FBRSL1: variants seen among roughly 807,000 people sequenced by gnomAD.
FBRSL1 encodes fibrosin like 1, also known as fibrosin-1-like protein.
In FBRSL1, 51 loss-of-function variants were observed where a neutral mutation model predicts 89.6. The observed-to-expected ratio is 0.57, with a 90% CI of 0.45 to 0.72. The LOEUF (loss-of-function observed/expected upper bound fraction) is 0.72. FBRSL1 is among the 30% of genes least tolerant of loss of function. The pLI, the probability that FBRSL1 is intolerant of heterozygous loss-of-function variation, is 0.00. For synonymous variants in FBRSL1, 779 were observed against 681.1 expected (o/e 1.14, Z -2.24); for missense variants, 1,618 against 1,451.8 (o/e 1.11, Z -1.86).
At chr12:132,580,087 T>C (rs1387139978) in intron 15 of FBRSL1, among the ~76,000 whole-genome samples, 1 of 150,008 alleles carries the variant, frequency 6.7e-6, no homozygotes, top group Non-Finnish European at 1.5e-5. Context: ...ACCAGTATTT[T>C]ATTTTAATTT....
chr12:132,548,731 C>T (rs1319121016), intron 5 of FBRSL1, among the ~76,000 whole-genome samples: 4 of 152,202 alleles, frequency 2.6e-5, no homozygotes, highest in Admixed American at 6.5e-5. Flanking sequence ...GGCCCGTAAC[C>T]ACTGCACCTC....
chr12:132,506,058 T>G (rs1222311901), intron 1 of FBRSL1, among the ~76,000 whole-genome samples: 1 of 152,210 alleles, frequency 6.6e-6, no homozygotes, highest in Non-Finnish European at 1.5e-5. Context: ...ACCCACCCCA[T>G]GCTGTCTGTT....
chr12:132,572,763 T>C, intron 11 of FBRSL1, 141 bp downstream of exon 11: 1 of 671,438 alleles, frequency 1.5e-6, no homozygotes, highest in South Asian at 1.8e-5. Flanking sequence ...GGTGCTGGCG[T>C]GAGCAGCCCC....
At chr12:132,505,477 C>T (rs766419552) in intron 1 of FBRSL1, among the ~76,000 whole-genome samples, 1 of 152,218 alleles carries the variant, frequency 6.6e-6, no homozygotes, top group Non-Finnish European at 1.5e-5. Flanking sequence ...CCACCCCCAC[C>T]CGTGGTCTGC....
chr12:132,579,704 G>A (rs2040617018), intron 15 of FBRSL1, among the ~76,000 whole-genome samples: 1 of 152,166 alleles, frequency 6.6e-6, no homozygotes, highest in Non-Finnish European at 1.5e-5. Context: ...TTACTTTCCT[G>A]TGCTGCACCT....
chr12:132,515,681 CTT>C, intron 2 of FBRSL1, among the ~76,000 whole-genome samples: 1 of 152,084 alleles, frequency 6.6e-6, no homozygotes, highest in Non-Finnish European at 1.5e-5. Context: ...GGGTGGATCA[CTT>C]GAGGTCAGGA....
At chr12:132,567,709 C>T (rs901691178) in intron 6 of FBRSL1, among the ~76,000 whole-genome samples, 183 bp downstream of exon 6, 3 of 152,100 alleles carry the variant, frequency 2.0e-5, no homozygotes, top group Non-Finnish European at 4.4e-5. Context: ...GGAGAGTAGA[C>T]GAAGCCACTG....
intron 5 of FBRSL1, among the ~76,000 whole-genome samples, chr12:132,564,149 G>T (rs1015017014): frequency 1.3e-5 from 2 of 152,206 alleles, no homozygotes; most frequent in African/African-American, 4.8e-5. Context: ...CGCGCTCACT[G>T]TTGATCCGTC....
intron 1 of FBRSL1, among the ~76,000 whole-genome samples, chr12:132,505,616 T>A (rs1475420438): frequency 6.6e-6 from 1 of 152,220 alleles, no homozygotes; most frequent in African/African-American, 2.4e-5. Flanking sequence ...GTGGAGTGAC[T>A]GAGCGACTGG....
intron 2 of FBRSL1, among the ~76,000 whole-genome samples, chr12:132,514,665 C>G (rs2034672637): frequency 6.6e-6 from 1 of 152,174 alleles, no homozygotes; most frequent in South Asian, 2.1e-4. Flanking sequence ...GAAGCCTCTC[C>G]TAGGGCCGGT....
intron 3 of FBRSL1, among the ~76,000 whole-genome samples, chr12:132,526,705 C>G (rs1265812021): frequency 6.6e-6 from 1 of 152,196 alleles, no homozygotes; most frequent in African/African-American, 2.4e-5. Context: ...CAAAGCCCTC[C>G]TTTTCTTCCT....
chr12:132,580,915 G>A (rs2040701446), intron 15 of FBRSL1: 9 of 985,282 alleles, frequency 9.1e-6, no homozygotes, highest in South Asian at 4.7e-5. Flanking sequence ...AAGGGTTGTT[G>A]GGGGGCCAGG....
chr12:132,550,455 C>G (rs1593449552), intron 5 of FBRSL1, among the ~76,000 whole-genome samples: 1 of 152,152 alleles, frequency 6.6e-6, no homozygotes, highest in Non-Finnish European at 1.5e-5. Context: ...TGCCTGTGGC[C>G]CCGTTTGCTT....
chr12:132,542,477 G>T (rs1247464590), intron 4 of FBRSL1, among the ~76,000 whole-genome samples: 2 of 152,194 alleles, frequency 1.3e-5, no homozygotes, highest in Non-Finnish European at 2.9e-5. Context: ...GAGGGGTCAG[G>T]GCCCCCTGCC....
intron 2 of FBRSL1, chr12:132,511,156 G>T (rs1440803856): frequency 1.0e-6 from 1 of 985,390 alleles, no homozygotes; most frequent in South Asian, 4.7e-5. Flanking sequence ...CCATCTGGTG[G>T]GTCAGGACCT....
chr12:132,508,146 C>T lies in FBRSL1; in HGVS notation c.292-7C>T, dbSNP rs771180351. ...CAATTAACTGGCGTTTCCCTGTCTC[C>T]CTGCAGAAGGATATGGCCCTGAAGC... On this transcript the variant is annotated splice_region_variant and splice_polypyrimidine_tract_variant and intron_variant, in intron 1 of 18. Transcript: ENST00000680143. The T allele has an allele frequency of 3.2e-6, 5 of 1,550,696 alleles. No homozygotes were observed. Among genetic ancestry groups the T allele is most frequent in the African/African-American group, 1.4e-5 (1 of 73,030 alleles).
At chr12:132,529,114 G>A (rs920868090) in intron 4 of FBRSL1, among the ~76,000 whole-genome samples, 4 of 152,180 alleles carry the variant, frequency 2.6e-5, no homozygotes, top group Non-Finnish European at 5.9e-5. Flanking sequence ...TGCTGGGCTC[G>A]TGGGAGGGTG....
intron 9 of FBRSL1, chr12:132,571,602 G>A (rs974576047): frequency 2.5e-5 from 25 of 996,664 alleles, no homozygotes; most frequent in Admixed American, 4.4e-5. Context: ...ACAGACACAC[G>A]CTCGCACACA....
At chr12:132,530,998 G>GT (rs889162833) in intron 4 of FBRSL1, among the ~76,000 whole-genome samples, 18 of 150,486 alleles carry the variant, frequency 1.2e-4, no homozygotes, top group Middle Eastern at 3.5e-3. Context: ...CCAGTGTGGG[G>GT]GGGGGGGTGC....
Sources: allele counts gnomAD v4.1 joint callset (sites outside exome capture counted in the v4.1 genomes callset), GRCh38; gene constraint gnomAD v4.1.1; transcripts MANE v1.5; gene names NCBI Gene and HGNC (gene_info 2026-07-23, HGNC 2026-07-21).